The following CNBD1 variants were observed in gnomAD, a reference collection of about 807,000 sequenced individuals.
The protein encoded by CNBD1 is cyclic nucleotide-binding domain-containing protein 1.
In CNBD1, 71 loss-of-function variants were observed where a neutral mutation model predicts 54.4. The observed-to-expected ratio is 1.30, with a 90% CI of 1.08 to 1.59. CNBD1 has a LOEUF of 1.59. Ranked by LOEUF, CNBD1 falls within the 40% of genes most tolerant of loss-of-function variation. The probability of loss-of-function intolerance (pLI) is 0.00; values close to 1 mark genes in which losing one functional copy is unlikely to be tolerated. For missense variants in CNBD1, 659 were observed against 518.0 expected (o/e 1.27, Z -2.64); for synonymous variants, 182 against 170.7 (o/e 1.07, Z -0.51).
intron 4 of CNBD1, among the ~76,000 whole-genome samples, chr8:87,143,214 A>G (rs1812408166): frequency 6.6e-6 from 1 of 152,134 alleles, no homozygotes; most frequent in African/African-American, 2.4e-5. Flanking sequence ...CCTAACATCA[A>G]GTCTTCATAT....
In CNBD1 at chr8:87,220,795, G is replaced by T. The variant is rs139901461; in HGVS notation, c.577+14657G>T. Among the ~76,000 whole-genome samples, 350 of 151,828 alleles carry T rather than the reference G, an allele frequency of 2.3e-3. 1 individual carries two copies. The highest frequency in any genetic ancestry group is 7.7e-3 in the African/African-American group (320 of 41,406). ...TTACAGTAACTTTTACTTGTATTTT[G>T]GATTATTTATTTATGACAGATTTCT... On this transcript the variant is annotated intron_variant, in intron 5 of 10. Transcript: ENST00000518476.
At chr8:87,364,989 T>A (rs542964731) in intron 10 of CNBD1, among the ~76,000 whole-genome samples, 2 of 152,170 alleles carry the variant, frequency 1.3e-5, no homozygotes, top group African/African-American at 4.8e-5. Context: ...ACTATTCATA[T>A]TCTTTTTGGT....
intron 5 of CNBD1, among the ~76,000 whole-genome samples, chr8:87,214,632 C>G (rs968053337): frequency 6.6e-6 from 1 of 152,160 alleles, no homozygotes; most frequent in African/African-American, 2.4e-5. Flanking sequence ...AAAGACATGT[C>G]TGAGACTGGG....
chr8:87,149,055 A>G (rs1812547491), intron 4 of CNBD1, among the ~76,000 whole-genome samples: 1 of 152,186 alleles, frequency 6.6e-6, no homozygotes, highest in South Asian at 2.1e-4. Flanking sequence ...ATTCTCTTAC[A>G]TGCTTTGAAT....
At chr8:87,401,762 A>C (rs990695396) in intron 2 of CNBD1, among the ~76,000 whole-genome samples, 1 of 152,048 alleles carries the variant, frequency 6.6e-6, no homozygotes, top group Non-Finnish European at 1.5e-5. Flanking sequence ...AAAAAATTTA[A>C]ACAAGTAAAG....
intron 1 of CNBD1, among the ~76,000 whole-genome samples, chr8:86,873,486 T>A (rs2131769413): frequency 6.6e-6 from 1 of 152,190 alleles, no homozygotes; most frequent in East Asian, 1.9e-4. Flanking sequence ...ATAACTGGTA[T>A]CTTTACAATG....
At chr8:87,208,194 C>T (rs1284665101) in intron 5 of CNBD1, among the ~76,000 whole-genome samples, 1 of 152,150 alleles carries the variant, frequency 6.6e-6, no homozygotes, top group Non-Finnish European at 1.5e-5. Flanking sequence ...GGTCTCTTTT[C>T]TGGCCACTAG....
chr8:87,228,234 C>T (rs981862092), intron 5 of CNBD1, among the ~76,000 whole-genome samples: 1 of 150,864 alleles, frequency 6.6e-6, no homozygotes, highest in Non-Finnish European at 1.5e-5. Flanking sequence ...GCCTTCTTCT[C>T]TCAGCTCGTC....
At chr8:87,339,837 G>T (rs528732705) in intron 8 of CNBD1, among the ~76,000 whole-genome samples, 1 of 152,094 alleles carries the variant, frequency 6.6e-6, no homozygotes, top group South Asian at 2.1e-4. Context: ...TACTGATGCT[G>T]TTTATTTATT....
chr8:86,992,150 T>C (rs1808764082), intron 4 of CNBD1, among the ~76,000 whole-genome samples: 1 of 152,186 alleles, frequency 6.6e-6, no homozygotes, highest in Admixed American at 6.6e-5. Context: ...CTAAGTCTTT[T>C]CATAGGTCAA....
At chr8:87,280,658 T>G (rs1563536355) in intron 6 of CNBD1, among the ~76,000 whole-genome samples, 1 of 151,582 alleles carries the variant, frequency 6.6e-6, no homozygotes. Context: ...ACCTATGAAA[T>G]ACTTCTGTTT....
chr8:87,266,811 A>G (rs1252707377), intron 6 of CNBD1, among the ~76,000 whole-genome samples: 2 of 152,042 alleles, frequency 1.3e-5, no homozygotes, highest in African/African-American at 2.4e-5. Context: ...GGGTTCATTC[A>G]TTTGGGTAAG....
At chr8:87,229,935 AG>A (rs35544121) in intron 5 of CNBD1, among the ~76,000 whole-genome samples, 2,132 of 152,316 alleles carry the variant, frequency 0.014, 26 homozygotes, top group Non-Finnish European at 0.019. Flanking sequence ...GCTGCTGTAA[AG>A]GAATACCTGA....
At chr8:87,261,688 A>T (rs1156387836) in intron 6 of CNBD1, among the ~76,000 whole-genome samples, 3 of 152,064 alleles carry the variant, frequency 2.0e-5, no homozygotes, top group Non-Finnish European at 1.5e-5. Flanking sequence ...ATTGGCCAAG[A>T]CTCCGTTATT....
chr8:87,219,080 A>T (rs1315266040), intron 5 of CNBD1, among the ~76,000 whole-genome samples: 1 of 152,052 alleles, frequency 6.6e-6, no homozygotes, highest in Non-Finnish European at 1.5e-5. Context: ...ATTTGAAGAA[A>T]TTATAAAAAA....
chr8:87,041,672 G>T (rs539207765), intron 4 of CNBD1, among the ~76,000 whole-genome samples: 99 of 152,246 alleles, frequency 6.5e-4, no homozygotes, highest in Middle Eastern at 3.4e-3. Context: ...GGTGGTGGGT[G>T]CCTGTAGTCC....
intron 10 of CNBD1, among the ~76,000 whole-genome samples, chr8:87,379,454 A>C (rs1811027741): frequency 6.6e-6 from 1 of 151,962 alleles, no homozygotes; most frequent in Admixed American, 6.6e-5. Flanking sequence ...CACCACACCT[A>C]TTCCAAAATT....
At chr8:87,369,997 A>G (rs896192444) in intron 10 of CNBD1, among the ~76,000 whole-genome samples, 1 of 151,838 alleles carries the variant, frequency 6.6e-6, no homozygotes, top group Non-Finnish European at 1.5e-5. Context: ...TTGTCCCTGC[A>G]ATAGTTTACT....
intron 2 of CNBD1, among the ~76,000 whole-genome samples, chr8:87,389,947 A>G (rs1320072407): frequency 1.3e-5 from 2 of 152,162 alleles, no homozygotes; most frequent in African/African-American, 4.8e-5. Context: ...AATGCCACAT[A>G]TCTACAACAA....
Sources: gnomAD v4.1 joint callset for allele counts (sites outside exome capture counted in the v4.1 genomes callset) on GRCh38, gnomAD v4.1.1 for gene constraint, MANE v1.5 for transcripts, NCBI Gene and HGNC (gene_info 2026-07-23, HGNC 2026-07-21) for gene names.